The following NRG3 variants were observed in gnomAD, a reference collection of about 807,000 sequenced individuals.
NRG3 encodes pro-neuregulin-3, membrane-bound isoform.
NRG3 carries 31 observed loss-of-function variants against 66.9 expected under a neutral mutation model. The observed-to-expected ratio is 0.46, with a 90% CI of 0.35 to 0.63. NRG3 has a LOEUF of 0.63. NRG3 is among the 20% of genes least tolerant of loss of function. The pLI, the probability that NRG3 is intolerant of heterozygous loss-of-function variation, is 0.00. For synonymous variants in NRG3, 393 were observed against 359.4 expected, an observed-to-expected ratio of 1.09 and a Z score of -1.06; for missense variants, 910 against 878.9, an observed-to-expected ratio of 1.04 and a Z score of -0.45.
At chr10:82,326,958 A>G (rs1363629064) in intron 1 of NRG3, among the ~76,000 whole-genome samples, 1 of 152,232 alleles carries the variant, frequency 6.6e-6, no homozygotes, top group South Asian at 2.1e-4. Flanking sequence ...ACAGCTTAGT[A>G]TATTCTTTGA....
At chr10:82,916,503 T>C (rs1006199814) in intron 4 of NRG3, among the ~76,000 whole-genome samples, 1 of 152,196 alleles carries the variant, frequency 6.6e-6, no homozygotes, top group Non-Finnish European at 1.5e-5. Context: ...TACAGCAATG[T>C]AGCAAAGTTC....
intron 2 of NRG3, among the ~76,000 whole-genome samples, chr10:82,401,838 TG>T (rs2087126508): frequency 6.6e-6 from 1 of 152,124 alleles, no homozygotes; most frequent in African/African-American, 2.4e-5. Context: ...GGCATTAATT[TG>T]GAAAATCAGA....
intron 4 of NRG3, among the ~76,000 whole-genome samples, chr10:82,898,715 C>CTTTT (rs765058089): frequency 7.7e-4 from 69 of 89,386 alleles, no homozygotes; most frequent in African/African-American, 1.8e-3. Flanking sequence ...GGAGTTTTAC[C>CTTTT]TTTTTTTTTT....
chr10:82,092,316 G>A (rs2224076), intron 1 of NRG3, among the ~76,000 whole-genome samples: 114,982 of 152,036 alleles, frequency 0.76, 43,549 homozygotes, highest in Non-Finnish European at 0.79. Context: ...TGTCTAATGC[G>A]TGGCTTGTTG....
At position 82,964,039 on chromosome 10, in the gene NRG3, C is replaced by G. The variant is rs184898876; in HGVS notation, c.1284+4964C>G. ...TAATTTTTAATAGTTCTAGCCTAAA[C>G]GCTGATTTATTGCTTTAAATATCAA... On this transcript the variant is annotated intron_variant, in intron 6 of 8. Transcript: ENST00000372141. 3.9e-5 allele frequency among the ~76,000 whole-genome samples: 6 copies of G among 152,210 alleles called. No homozygotes were observed. In the South Asian group the frequency reaches 1.2e-3, roughly 32 times the overall value.
intron 2 of NRG3, among the ~76,000 whole-genome samples, chr10:82,519,193 G>A (rs1399358005): frequency 6.6e-6 from 1 of 152,168 alleles, no homozygotes; most frequent in Admixed American, 6.5e-5. Flanking sequence ...CTCCTTGATT[G>A]TCCGGAGTAC....
intron 1 of NRG3, among the ~76,000 whole-genome samples, chr10:82,211,205 G>A (rs906338199): frequency 6.6e-6 from 1 of 151,968 alleles, no homozygotes; most frequent in Non-Finnish European, 1.5e-5. Flanking sequence ...TTCTTTAATG[G>A]TTAGGAGGAC....
At chr10:82,864,358 C>A (rs959222826) in intron 3 of NRG3, among the ~76,000 whole-genome samples, 8 of 151,888 alleles carry the variant, frequency 5.3e-5, no homozygotes, top group Non-Finnish European at 1.0e-4. Flanking sequence ...GACCTATTTA[C>A]AAACACAAAA....
intron 1 of NRG3, among the ~76,000 whole-genome samples, chr10:81,932,542 C>A (rs1847470246): frequency 6.6e-6 from 1 of 152,110 alleles, no homozygotes; most frequent in South Asian, 2.1e-4. Context: ...TAATTTGGAA[C>A]AATATATTTT....
intron 2 of NRG3, among the ~76,000 whole-genome samples, chr10:82,728,557 T>C (rs2057733951): frequency 6.6e-6 from 1 of 152,208 alleles, no homozygotes; most frequent in South Asian, 2.1e-4. Context: ...TGTAAGTCCA[T>C]TAAACCTCTT....
At chr10:82,702,920 A>G (rs2055999767) in intron 2 of NRG3, among the ~76,000 whole-genome samples, 1 of 152,074 alleles carries the variant, frequency 6.6e-6, no homozygotes. Context: ...GTTAAGAAAA[A>G]TGGTATATGT....
chr10:82,748,127 G>C (rs555191778), intron 3 of NRG3, among the ~76,000 whole-genome samples: 1 of 151,504 alleles, frequency 6.6e-6, no homozygotes, highest in Non-Finnish European at 1.5e-5. Flanking sequence ...GTAACACCAT[G>C]AGAGTATTTA....
At chr10:81,876,944 T>C (rs1841721339) in intron 1 of NRG3, among the ~76,000 whole-genome samples, 1 of 152,096 alleles carries the variant, frequency 6.6e-6, no homozygotes, top group Non-Finnish European at 1.5e-5. Flanking sequence ...TTTTCAGCCC[T>C]GCCAAGCCTT....
intron 2 of NRG3, among the ~76,000 whole-genome samples, chr10:82,735,054 G>C (rs116883374): frequency 6.6e-6 from 1 of 151,270 alleles, no homozygotes; most frequent in South Asian, 2.1e-4. Context: ...AGGAAGGAGG[G>C]AGGAAGGAAG....
At chr10:82,863,234 C>A (rs1357634322) in intron 3 of NRG3, among the ~76,000 whole-genome samples, 1 of 152,032 alleles carries the variant, frequency 6.6e-6, no homozygotes, top group Non-Finnish European at 1.5e-5. Context: ...TGTATATGTG[C>A]CACATTTTCT....
chr10:82,815,364 G>C, intron 3 of NRG3, among the ~76,000 whole-genome samples: 1 of 152,094 alleles, frequency 6.6e-6, no homozygotes, highest in East Asian at 1.9e-4. Flanking sequence ...ATTTGTCAAA[G>C]AAATAGCAAA....
chr10:81,976,237 G>A (rs914225489), intron 1 of NRG3, among the ~76,000 whole-genome samples: 1 of 152,128 alleles, frequency 6.6e-6, no homozygotes, highest in African/African-American at 2.4e-5. Context: ...TGGAAAGAAA[G>A]TGGCCCCCAA....
chr10:82,387,773 TAAATC>T (rs2086103474), intron 2 of NRG3, among the ~76,000 whole-genome samples: 1 of 152,242 alleles, frequency 6.6e-6, no homozygotes, highest in Non-Finnish European at 1.5e-5. Flanking sequence ...AGTTCATGAT[TAAATC>T]AAAATAAGAT....
chr10:82,027,079 G>T (rs916728990), intron 1 of NRG3, among the ~76,000 whole-genome samples: 1 of 151,980 alleles, frequency 6.6e-6, no homozygotes, highest in African/African-American at 2.4e-5. Flanking sequence ...GAAACTTTTT[G>T]TCAAATCAAT....
Sources: gnomAD v4.1 joint callset for allele counts (sites outside exome capture counted in the v4.1 genomes callset) on GRCh38, gnomAD v4.1.1 for gene constraint, MANE v1.5 for transcripts, NCBI Gene and HGNC (gene_info 2026-07-23, HGNC 2026-07-21) for gene names.